The following MMEL1 variants were observed in gnomAD, a reference collection of about 807,000 sequenced individuals.
MMEL1 encodes the protein membrane metallo-endopeptidase-like 1.
Under a neutral mutation model 117.1 loss-of-function variants are expected in MMEL1, and 98 were observed. The ratio of observed to expected loss-of-function variants is 0.84; its 90% CI spans 0.71 to 0.99. The LOEUF (loss-of-function observed/expected upper bound fraction) is 0.99. Among genes scored for constraint, MMEL1 ranks in the 50% least tolerant of loss-of-function variants. The pLI is 0.00. For synonymous variants in MMEL1, 390 were observed against 415.1 expected (o/e 0.94, Z 0.74); for missense variants, 1,014 against 1,049.1 (o/e 0.97, Z 0.46).
At chr1:2,611,247 G>A (rs750136623) in intron 4 of MMEL1, 34 bp downstream of exon 4, 34 of 1,555,526 alleles carry the variant, frequency 2.2e-5, no homozygotes, top group Non-Finnish European at 2.7e-5. Context: ...CCAGCCCTTG[G>A]GCAGGCTGTG....
intron 5 of MMEL1, 59 bp downstream of exon 5, chr1:2,609,611 T>A (rs1645094274): frequency 6.4e-7 from 1 of 1,564,478 alleles, no homozygotes; most frequent in African/African-American, 1.3e-5. Context: ...GACCAACTCC[T>A]GGCCCGGTGC....
chr1:2,606,677 GGCCTGGCCGGA>G (rs1211430309), intron 7 of MMEL1, among the ~76,000 whole-genome samples: 2 of 152,064 alleles, frequency 1.3e-5, no homozygotes, highest in African/African-American at 2.4e-5. Context: ...CTGGGGCCAG[GGCCTGGCCGGA>G]GCCTGGCTGG....
chr1:2,595,313 T>C lies in MMEL1; in HGVS notation c.1547A>G (p.Glu516Gly), dbSNP rs764359406. Residue 516 changes from glutamate (E) to glycine (G), a missense_variant, in exon 16 of 24, where the codon GAG becomes GGG. By Grantham distance (98) the Glu-to-Gly change is moderately conservative (BLOSUM62 -2). Transcript: ENST00000378412. This position sits in a 1 kb window ranked among gnomAD's most constrained non-coding sequence, Gnocchi z 4.8. ...CTCGTCCAGGCGCCTGTTCATCTCC[T>C]CCAGGATGTAGTCAGGGTGCCCGAT... Reference protein sequence around the residue: ...EQIGHPDYILEEMNRRLDEEY... With the variant: ...EQIGHPDYILGEMNRRLDEEY... 5 of 1,613,840 alleles carry C rather than the reference T, an allele frequency of 3.1e-6. No homozygotes were observed. The South Asian group carries it at 5.5e-5, about 18-fold the overall frequency.
At position 2,604,284 on chromosome 1, in the gene MMEL1, G is replaced by A; in HGVS notation, c.817-3C>T. The A allele has an allele frequency of 6.2e-7, 1 of 1,612,512 alleles. No individual in the cohort carries two copies. Among genetic ancestry groups the A allele is most frequent in the East Asian group, 2.2e-5 (1 of 44,862 alleles). On this transcript the variant is annotated splice_region_variant and splice_polypyrimidine_tract_variant and intron_variant, in intron 9 of 23. Coordinates refer to ENST00000378412, the MANE Select transcript of MMEL1 (RefSeq NM_033467.4). ...AACTGCAGGTAGGCTTCCCGCACCT[G>A]GGCCAAAGGACGCCGGGCAGAGCTG... is the stretch of plus-strand genomic sequence containing the variant.
chr1:2,592,370 G>T (rs1644740301), intron 21 of MMEL1, among the ~76,000 whole-genome samples: 1 of 61,348 alleles, frequency 1.6e-5, no homozygotes, highest in Non-Finnish European at 2.9e-5. Flanking sequence ...CTCCCCTGCT[G>T]TGCTGGCACC....
In MMEL1 at chr1:2,592,656, T is replaced by A; in HGVS notation, c.2066A>T (p.Lys689Met). 1 of 1,384,504 alleles carries A rather than the reference T, an allele frequency of 7.2e-7. No individual in the cohort carries two copies. Among genetic ancestry groups the A allele is most frequent in the Non-Finnish European group, 9.6e-7 (1 of 1,041,624 alleles). The allele number at this position is 1,384,504 out of a possible 1,614,324, so 85.8% of individuals were successfully genotyped here. A position where few individuals can be genotyped will look rare whatever the true frequency, so the allele number is the denominator to read the frequency against. ...ADNGGVRQAYKAYLKWMAEGG... is the reference protein window; with the variant it reads ...ADNGGVRQAYMAYLKWMAEGG... The stretch of plus-strand genomic sequence containing the variant: ...GCCCCCTCCCCTGCCAGGCCCCACC[T>A]TATAGGCTTGCCGCACCCCTCCGTT... Residue 689 changes from lysine to methionine, a missense_variant and splice_region_variant, in exon 21 of 24, where the codon AAG becomes ATG. Lys to Met is a moderately conservative substitution (Grantham distance 95). Transcript: ENST00000378412.
chr1:2,590,981 G>A lies in MMEL1; in HGVS notation c.*9C>T, dbSNP rs1181239144. The stretch of plus-strand genomic sequence containing the variant: ...TGGGCGTGGGCCGCACAGCGCGGCA[G>A]GGCCTTGGCTACCACACGCGGCATC... On this transcript the variant is annotated 3_prime_UTR_variant, in exon 24 of 24. Coordinates refer to ENST00000378412, the MANE Select transcript of MMEL1 (RefSeq NM_033467.4). 14 of 1,569,042 alleles carry A rather than the reference G, an allele frequency of 8.9e-6. No individual in the cohort carries two copies. The highest frequency in any genetic ancestry group is 1.1e-5 in the Non-Finnish European group (13 of 1,158,776).
Position 2,628,928 on chromosome 1 carries a change from A to G in MMEL1, c.154+403T>C, listed in dbSNP as rs1485258878. Among the ~76,000 whole-genome samples, 5 of 138,560 alleles carry G rather than the reference A, an allele frequency of 3.6e-5. No homozygotes were observed. The South Asian group carries it at 1.3e-3, about 35-fold the overall frequency. The allele number at this position is 138,560 out of a possible 152,430, so 90.9% of individuals were successfully genotyped here. A position where few individuals can be genotyped will look rare whatever the true frequency, so the allele number is the denominator to read the frequency against. On this transcript the variant is annotated intron_variant, in intron 2 of 23. Transcript: ENST00000378412. ...GGTGAGCCCGGGCGGCGGGAGGGACACGGACGCCGGTGGTCCCCAGCCGGG... is the reference window on the plus strand; with the variant it reads ...GGTGAGCCCGGGCGGCGGGAGGGACGCGGACGCCGGTGGTCCCCAGCCGGG...
chr1:2,622,354 A>G (rs1645302717), intron 2 of MMEL1, among the ~76,000 whole-genome samples: 1 of 152,238 alleles, frequency 6.6e-6, no homozygotes, highest in African/African-American at 2.4e-5. Context: ...TGAGTTTCTG[A>G]ATTTCTAACA....
chr1:2,632,951 C>G lies in MMEL1; in HGVS notation c.-123G>C, dbSNP rs571595460. ...GGGTTGGAGTTGGGGTGAGCTGGGC[C>G]AAGTGGGTGGATTTCCAGGGACTGG... On this transcript the variant is annotated 5_prime_UTR_variant, in exon 1 of 24. Transcript: ENST00000378412. The G allele has an allele frequency of 3.0e-6, 3 of 985,800 alleles. No individual in the cohort carries two copies. In the East Asian group the frequency reaches 3.4e-4, roughly 111 times the overall value. The allele number at this position is 985,800 out of a possible 1,614,324, so 61.1% of individuals were successfully genotyped here. A position where few individuals can be genotyped will look rare whatever the true frequency, so the allele number is the denominator to read the frequency against.
At chr1:2,630,729 ACG>A (rs1193415960) in intron 1 of MMEL1, among the ~76,000 whole-genome samples, 2 of 125,164 alleles carry the variant, frequency 1.6e-5, no homozygotes, top group African/African-American at 3.2e-5. Flanking sequence ...GTGATTGTGC[ACG>A]TGTGCGTGTG....
chr1:2,631,039 G>T (rs1273129412), intron 1 of MMEL1, among the ~76,000 whole-genome samples: 1 of 152,096 alleles, frequency 6.6e-6, no homozygotes, highest in Non-Finnish European at 1.5e-5. Context: ...TTGTGTGTGT[G>T]GGTGTGCACG....
Position 2,606,286 on chromosome 1 carries a change from AGATGAAGAGGTC to A in MMEL1, c.700_711del (p.Asp234_Ile237del). On this transcript the variant is annotated inframe_deletion, in exon 8 of 24. Coordinates refer to ENST00000378412, the MANE Select transcript of MMEL1 (RefSeq NM_033467.4). ...CGGCTGGAGTTCTGGTCGTCGTTCC[AGATGAAGAGGTC>A]GATGAGGACGCGCCTGTTGAACTGT... 1 of 1,613,324 alleles carries A rather than the reference AGATGAAGAGGTC, an allele frequency of 6.2e-7. No homozygotes were observed. Among genetic ancestry groups the A allele is most frequent in the Non-Finnish European group, 8.5e-7 (1 of 1,179,978 alleles).
At chr1:2,610,802 C>T (rs982242291) in intron 4 of MMEL1, among the ~76,000 whole-genome samples, 2 of 152,156 alleles carry the variant, frequency 1.3e-5, no homozygotes, top group Non-Finnish European at 2.9e-5. Flanking sequence ...GGGGACCTCA[C>T]GGAAGGCGTG....
Position 2,590,909 on chromosome 1 carries a change from G to T in MMEL1, c.*81C>A. 1 of 1,131,246 alleles carries T rather than the reference G, an allele frequency of 8.8e-7. No individual in the cohort carries two copies. 70.1% of individuals were successfully genotyped at this position (1,131,246 alleles called of 1,614,324 possible). The stretch of plus-strand genomic sequence containing the variant: ...GGTTGGCCGGGGCGGGACGTACACT[G>T]GGTCGCCGCTAGCTGCACCTTCGCA... On this transcript the variant is annotated 3_prime_UTR_variant, in exon 24 of 24. Transcript: ENST00000378412.
chr1:2,592,972 C>T lies in MMEL1; in HGVS notation c.1868-6G>A, dbSNP rs764815488. 28 of 1,612,580 alleles carry T rather than the reference C, an allele frequency of 1.7e-5. No homozygotes were observed. The highest frequency in any genetic ancestry group is 2.3e-5 in the Non-Finnish European group (27 of 1,179,676). On this transcript the variant is annotated splice_polypyrimidine_tract_variant and splice_region_variant and intron_variant, in intron 19 of 23. Coordinates refer to ENST00000378412, the MANE Select transcript of MMEL1 (RefSeq NM_033467.4). ...ATTCTTGTCGAAGTTCCGGCCTGGG[C>T]AGGGGCAGAGGAGGGCTGCCCACAT...
intron 14 of MMEL1, among the ~76,000 whole-genome samples, 186 bp downstream of exon 14, chr1:2,596,375 G>A (rs1644839378): frequency 6.6e-6 from 1 of 152,122 alleles, no homozygotes; most frequent in Non-Finnish European, 1.5e-5. Flanking sequence ...CAGGGCTCAG[G>A]CTGGGGCCCA....
Position 2,592,945 on chromosome 1 carries a change from C to A in MMEL1, c.1889G>T (p.Gly630Val), listed in dbSNP as rs768758720. 1 of 1,613,652 alleles carries A rather than the reference C, an allele frequency of 6.2e-7. No individual in the cohort carries two copies. The highest frequency in any genetic ancestry group is 8.5e-7 in the Non-Finnish European group (1 of 1,179,916). ...DDNGRNFDKN[G>V]NMMDWWSNFS... ...GTTACTCCACCAATCCATCATGTTG[C>A]CATTCTTGTCGAAGTTCCGGCCTGG... Residue 630 changes from glycine (G) to valine (V), a missense_variant, in exon 20 of 24, where the codon GGC becomes GTC. Physicochemically the swap from Gly to Val is moderately radical, Grantham distance 109 (BLOSUM62 -3). Transcript: ENST00000378412.
At chr1:2,591,661 AGGTGGCGTGGTGG>A in intron 22 of MMEL1, 28 bp from the exon 23 acceptor site, 4 of 892,624 alleles carry the variant, frequency 4.5e-6, no homozygotes, top group Non-Finnish European at 6.3e-6. Flanking sequence ...GCGTGGCTAC[AGGTGGCGTGGTGG>A]GGTGGCCAGG....
Sources: gnomAD v4.1 joint callset for allele counts (sites outside exome capture counted in the v4.1 genomes callset) on GRCh38, gnomAD v4.1.1 for gene constraint, Gnocchi (gnomAD v3.1) non-coding constraint, MANE v1.5 for transcripts, NCBI Gene and HGNC (gene_info 2026-07-23, HGNC 2026-07-21) for gene names.